Variants in TOP2B observed in about 807,000 individuals in gnomAD.
TOP2B encodes the protein DNA topoisomerase II beta.
Under a neutral mutation model 193.5 loss-of-function variants are expected in TOP2B, and 51 were observed. The ratio of observed to expected loss-of-function variants is 0.26; its 90% CI spans 0.21 to 0.33. The LOEUF (loss-of-function observed/expected upper bound fraction) is 0.33, where lower values mean the gene tolerates loss of function less well. TOP2B is among the 10% of genes least tolerant of loss of function. The pLI is 1.00. For synonymous variants in TOP2B, 634 were observed against 635.7 expected (o/e 1.00, Z 0.04); for missense variants, 1,378 against 1,909.3 (o/e 0.72, Z 5.19).
At chr3:25,613,541 A>C (rs952072289) in intron 27 of TOP2B, among the ~76,000 whole-genome samples, 5 of 152,046 alleles carry the variant, frequency 3.3e-5, no homozygotes, top group Non-Finnish European at 5.9e-5. Flanking sequence ...ACACCAGCCT[A>C]GGCAACATAA....
At chr3:25,655,819 T>A (rs751436554) in intron 1 of TOP2B, among the ~76,000 whole-genome samples, 1 of 152,120 alleles carries the variant, frequency 6.6e-6, no homozygotes, top group Non-Finnish European at 1.5e-5. Flanking sequence ...ATATAAAGTA[T>A]CCACAGTAAT....
chr3:25,628,249 G>A (rs547846723), intron 15 of TOP2B, among the ~76,000 whole-genome samples: 2 of 150,866 alleles, frequency 1.3e-5, no homozygotes, highest in Admixed American at 6.6e-5. Context: ...GCCAAGGTGG[G>A]TGGATGGCTT....
chr3:25,638,669 T>C (rs1245302447), intron 4 of TOP2B, among the ~76,000 whole-genome samples: 1 of 151,978 alleles, frequency 6.6e-6, no homozygotes, highest in African/African-American at 2.4e-5. Flanking sequence ...GTAATTAAAA[T>C]AGGCATTCTG....
At chr3:25,652,897 G>A (rs530370647) in intron 1 of TOP2B, among the ~76,000 whole-genome samples, 5 of 151,764 alleles carry the variant, frequency 3.3e-5, no homozygotes, top group South Asian at 2.1e-4. Context: ...CTGACAAATC[G>A]TTAGCTAGAT....
intron 33 of TOP2B, among the ~76,000 whole-genome samples, chr3:25,602,870 TAAC>T (rs1439839456): frequency 6.6e-6 from 1 of 152,206 alleles, no homozygotes; most frequent in African/African-American, 2.4e-5. Flanking sequence ...AATTTGGAGT[TAAC>T]ATAGACAATC....
At position 25,638,159 on chromosome 3, in the gene TOP2B, C is replaced by T; in HGVS notation, c.541+6G>A. 3 of 1,563,664 alleles carry T rather than the reference C, an allele frequency of 1.9e-6. No homozygotes were observed. The highest frequency in any genetic ancestry group is 2.6e-6 in the Non-Finnish European group (3 of 1,152,956). On this transcript the variant is annotated splice_donor_region_variant and intron_variant, in intron 5 of 35. Coordinates refer to ENST00000264331, the MANE Select transcript of TOP2B (RefSeq NM_001330700.2). ...TTTTTCAACCAAAATTCCATTCAGA[C>T]TTTACCTGTAACTTTTTTCTCATCA...
At position 25,618,447 on chromosome 3, in the gene TOP2B, C is replaced by A. The variant is rs1160405354; in HGVS notation, c.3322G>T (p.Val1108Leu). ...LVQRGYESDP[V>L]KAWKEAQEKA... ...TCTTGTGCTTCTTTCCAGGCTTTCA[C>A]TGGGTCAGATTCATAACCTCTCTGG... Residue 1108 changes from valine (V) to leucine (L), a missense_variant, in exon 25 of 36, where the codon GTG (valine) becomes TTG (leucine). This residue lies in a region of TOP2B where 379 missense variants were observed against 615.1 expected (regional missense o/e 0.62). Transcript: ENST00000264331. The A allele has an allele frequency of 6.2e-7, 1 of 1,613,026 alleles. No homozygotes were observed. Among genetic ancestry groups the A allele is most frequent in the Non-Finnish European group, 8.5e-7 (1 of 1,179,270 alleles).
chr3:25,637,968 TC>T (rs1408226919), intron 5 of TOP2B, among the ~76,000 whole-genome samples, 196 bp downstream of exon 5: 25 of 151,818 alleles, frequency 1.6e-4, no homozygotes, highest in Non-Finnish European at 3.1e-4. Flanking sequence ...TAACATAAAG[TC>T]AATGTACTAT....
intron 30 of TOP2B, among the ~76,000 whole-genome samples, chr3:25,608,173 T>C (rs1488125694): frequency 6.6e-6 from 1 of 152,276 alleles, no homozygotes; most frequent in Non-Finnish European, 1.5e-5. Context: ...AGTAATTTTT[T>C]AGATGAATGA....
chr3:25,629,931 C>T, intron 13 of TOP2B, 98 bp downstream of exon 13: 1 of 1,272,272 alleles, frequency 7.9e-7, no homozygotes, highest in Non-Finnish European at 1.1e-6. Flanking sequence ...TAATCACTTT[C>T]AGTTATACCA....
chr3:25,603,671 G>T (rs746244205), intron 33 of TOP2B, among the ~76,000 whole-genome samples: 1 of 152,132 alleles, frequency 6.6e-6, no homozygotes, highest in Non-Finnish European at 1.5e-5. Flanking sequence ...TAAAGGAGGG[G>T]GAGACAAAAA....
At chr3:25,637,184 A>T (rs1248011088) in intron 6 of TOP2B, 31 bp downstream of exon 6, 6 of 1,481,850 alleles carry the variant, frequency 4.0e-6, no homozygotes, top group East Asian at 2.5e-5. Flanking sequence ...ACGTTATTTT[A>T]AAAAAAGAAA....
In TOP2B at chr3:25,618,643, T is replaced by C. The variant is rs765126571; in HGVS notation, c.3259+11A>G. ...TAACTAATGTTCAAATTTTTAAAGGTTGTATCTTACCTATAGTAATTTTCC... is the reference window on the plus strand; with the variant it reads ...TAACTAATGTTCAAATTTTTAAAGGCTGTATCTTACCTATAGTAATTTTCC... On this transcript the variant is annotated intron_variant, in intron 24 of 35. Coordinates refer to ENST00000264331, the MANE Select transcript of TOP2B (RefSeq NM_001330700.2). 1.9e-6 allele frequency: 3 copies of C among 1,591,004 alleles called. No individual in the cohort carries two copies. Among genetic ancestry groups the C allele is most frequent in the Non-Finnish European group, 2.6e-6 (3 of 1,171,750 alleles).
chr3:25,658,574 C>T (rs1312086997), intron 1 of TOP2B, among the ~76,000 whole-genome samples: 2 of 151,848 alleles, frequency 1.3e-5, no homozygotes, highest in African/African-American at 4.8e-5. Flanking sequence ...TTCTGAATTT[C>T]AAGTCAGCTG....
chr3:25,599,522 G>A lies in TOP2B; in HGVS notation c.4623C>T (p.Gly1541=). The A allele has an allele frequency of 6.2e-7, 1 of 1,612,302 alleles. No homozygotes were observed. The highest frequency in any genetic ancestry group is 8.5e-7 in the Non-Finnish European group (1 of 1,179,084). ...ATGCTTTCCTTTTCTTTGCCCCTCGGCCTTTACCTTAAAATGATACAAAAG... is the reference window on the plus strand; with the variant it reads ...ATGCTTTCCTTTTCTTTGCCCCTCGACCTTTACCTTAAAATGATACAAAAG... ...PKKTTTPKGK[G]RGAKKRKASG... is the part of the protein sequence containing the mutation. The change falls in exon 35 of 36, where the codon GGC becomes GGT. Residue 1541 remains glycine (G), a synonymous_variant. Transcript: ENST00000264331.
In TOP2B at chr3:25,630,801, C is replaced by T; in HGVS notation, c.1405G>A (p.Gly469Ser). 1 of 1,544,378 alleles carries T rather than the reference C, an allele frequency of 6.5e-7. No individual in the cohort carries two copies. The highest frequency in any genetic ancestry group is 2.4e-5 in the East Asian group (1 of 42,160). Reference protein sequence around the residue: ...IPKLDDANDAGGKHSLECTLI... With the variant: ...IPKLDDANDASGKHSLECTLI... ...TCTTATTTAAAAATATCAATCTTAC[C>T]AGCATCATTAGCATCATCCAGTTTG... Residue 469 changes from glycine (G) to serine (S), a missense_variant and splice_region_variant, in exon 11 of 36, where the codon GGT becomes AGT. Physicochemically the swap from Gly to Ser is moderately conservative, Grantham distance 56. This residue lies in a region of TOP2B where 66 missense variants were observed against 153.3 expected (regional missense o/e 0.43). Transcript: ENST00000264331.
chr3:25,610,479 A>G (rs1465410357), intron 28 of TOP2B, among the ~76,000 whole-genome samples: 1 of 152,218 alleles, frequency 6.6e-6, no homozygotes, highest in Non-Finnish European at 1.5e-5. Context: ...TAGGTTTGCC[A>G]GGTGGGAATT....
chr3:25,664,331 G>C lies in TOP2B; in HGVS notation c.-34C>G. 2.1e-6 allele frequency: 3 copies of C among 1,439,568 alleles called. No individual in the cohort carries two copies. Among genetic ancestry groups the C allele is most frequent in the Non-Finnish European group, 2.7e-6 (3 of 1,104,956 alleles). 89.2% of individuals were successfully genotyped at this position (1,439,568 alleles called of 1,614,324 possible). The stretch of plus-strand genomic sequence containing the variant: ...CCTCCAGCTCACAGGCCCTGAGGCC[G>C]CAGCCGCCGCTCCCGCCTCCCTGCG... On this transcript the variant is annotated 5_prime_UTR_variant, in exon 1 of 36. Transcript: ENST00000264331.
chr3:25,622,280 A>G (rs915731124), intron 21 of TOP2B, among the ~76,000 whole-genome samples: 6 of 152,228 alleles, frequency 3.9e-5, no homozygotes, highest in Non-Finnish European at 8.8e-5. Flanking sequence ...TCAGTAAAAC[A>G]CTATCATTAA....
Sources: allele counts gnomAD v4.1 joint callset (sites outside exome capture counted in the v4.1 genomes callset), GRCh38; gene constraint gnomAD v4.1.1; regional missense constraint gnomAD v4.1.1; transcripts MANE v1.5; gene names NCBI Gene and HGNC (gene_info 2026-07-23, HGNC 2026-07-21).